Variants in TSNARE1 observed in about 807,000 individuals in gnomAD.
TSNARE1 encodes t-SNARE domain containing 1.
Under a neutral mutation model 62.0 loss-of-function variants are expected in TSNARE1, and 49 were observed. The observed-to-expected ratio is 0.79, with a 90% confidence interval of 0.63 to 1.00. The LOEUF is 1.00. TSNARE1 is among the 50% of genes least tolerant of loss of function. The pLI is 0.00. For missense variants in TSNARE1, 755 were observed against 700.1 expected (o/e 1.08, Z -0.88); for synonymous variants, 328 against 294.4 (o/e 1.11, Z -1.17).
At chr8:142,332,670 G>A (rs192916583) in intron 4 of TSNARE1, among the ~76,000 whole-genome samples, 97 of 152,236 alleles carry the variant, frequency 6.4e-4, no homozygotes, top group Non-Finnish European at 8.7e-4. Context: ...TAAACGGCAC[G>A]GCCACCATGG....
chr8:142,395,218 C>A (rs996458914), intron 1 of TSNARE1, among the ~76,000 whole-genome samples: 15 of 152,060 alleles, frequency 9.9e-5, no homozygotes, highest in African/African-American at 3.6e-4. Context: ...AGGTCCTGGC[C>A]CTGGAGGAGG....
chr8:142,291,936 C>T lies in TSNARE1; in HGVS notation c.1291-7451G>A, dbSNP rs7817679. Among the ~76,000 whole-genome samples, 36,247 of 151,750 alleles carry T rather than the reference C, an allele frequency of 0.24. 4,896 individuals carry two copies. Among genetic ancestry groups the T allele is most frequent in the African/African-American group, 0.36 (14,793 of 41,320 alleles). ...TGGGAGTACGGGGTCAGCTGCCTCT[C>T]CCGTGGACGGTCACAGCAACGCACG... On this transcript the variant is annotated intron_variant, in intron 10 of 13. Transcript: ENST00000524325. This position sits in a 1 kb window ranked among gnomAD's most constrained non-coding sequence, Gnocchi z 4.8.
At chr8:142,356,783 T>C (rs1398688982) in intron 1 of TSNARE1, among the ~76,000 whole-genome samples, 1 of 147,564 alleles carries the variant, frequency 6.8e-6, no homozygotes, top group Non-Finnish European at 1.5e-5. Context: ...CATGGAGAGG[T>C]GAGGTAACTT....
intron 9 of TSNARE1, among the ~76,000 whole-genome samples, chr8:142,308,571 CTGGTGTGTCCACGGCT>C (rs1389323996): frequency 1.3e-5 from 2 of 152,110 alleles, no homozygotes; most frequent in Admixed American, 6.5e-5. Flanking sequence ...TGTCCATAGG[CTGGTGTGTCCACGGCT>C]TGGTGTGTCC....
intron 13 of TSNARE1, 137 bp downstream of exon 13, chr8:142,229,336 G>T: frequency 1.4e-6 from 1 of 710,326 alleles, no homozygotes; most frequent in Non-Finnish European, 2.5e-6. Flanking sequence ...TGGACAGATG[G>T]ACGGTAGACA....
chr8:142,354,560 G>T, intron 2 of TSNARE1, 77 bp downstream of exon 2: 1 of 1,027,850 alleles, frequency 9.7e-7, no homozygotes, highest in Non-Finnish European at 1.5e-6. Flanking sequence ...CCAGCCATCA[G>T]CATGACACAG....
rs560356031 is a variant in TSNARE1, at chr8:142,295,208, C to T, written c.1290+5278G>A. Reference sequence around the variant, plus strand: ...CACATGTGACTGGCACAACCCCTCCCGCTACGACCCTCCTCTGGGAGATGG... The same window carrying T: ...CACATGTGACTGGCACAACCCCTCCTGCTACGACCCTCCTCTGGGAGATGG... On this transcript the variant is annotated intron_variant, in intron 10 of 13. Transcript: ENST00000524325. Among the ~76,000 whole-genome samples, 97 of 152,354 alleles carry T rather than the reference C, an allele frequency of 6.4e-4. 1 individual carries two copies. The highest frequency in any genetic ancestry group is 2.1e-3 in the African/African-American group (87 of 41,584).
chr8:142,332,594 C>T (rs13281023), intron 4 of TSNARE1, among the ~76,000 whole-genome samples: 26,260 of 152,132 alleles, frequency 0.17, 3,174 homozygotes, highest in African/African-American at 0.34. Flanking sequence ...CTACAGAACA[C>T]TATGAGGACA....
chr8:142,313,921 G>C (rs1828079106), intron 9 of TSNARE1, among the ~76,000 whole-genome samples: 1 of 152,192 alleles, frequency 6.6e-6, no homozygotes, highest in African/African-American at 2.4e-5. Flanking sequence ...TGGGATGACA[G>C]GTGCTCGCCA....
At chr8:142,222,040 C>T (rs1228855658) in intron 13 of TSNARE1, among the ~76,000 whole-genome samples, 1 of 149,926 alleles carries the variant, frequency 6.7e-6, no homozygotes, top group African/African-American at 2.5e-5. Flanking sequence ...CACTCATCCA[C>T]TCATCCACTC....
chr8:142,389,988 G>C (rs56182320), intron 1 of TSNARE1, among the ~76,000 whole-genome samples: 23,139 of 152,204 alleles, frequency 0.15, 2,476 homozygotes, highest in African/African-American at 0.3. Flanking sequence ...TATAAACCTG[G>C]ACAGCAGGCA....
At chr8:142,396,783 G>C (rs908026256) in intron 1 of TSNARE1, among the ~76,000 whole-genome samples, 1 of 152,222 alleles carries the variant, frequency 6.6e-6, no homozygotes, top group Non-Finnish European at 1.5e-5. Flanking sequence ...GAAGTTTCCT[G>C]ATCTGAGGAG....
intron 6 of TSNARE1, among the ~76,000 whole-genome samples, chr8:142,324,891 G>A (rs1053511210): frequency 6.6e-6 from 1 of 152,252 alleles, no homozygotes; most frequent in African/African-American, 2.4e-5. Context: ...CGACGCCCCT[G>A]CCGGTCCCTC....
In TSNARE1 at chr8:142,319,380, G is replaced by C. The variant is rs1201737827; in HGVS notation, c.894-746C>G. Among the ~76,000 whole-genome samples the C allele has an allele frequency of 2.0e-5, 3 of 152,176 alleles. No homozygotes were observed. In the East Asian group the frequency reaches 5.8e-4, roughly 30 times the overall value. On this transcript the variant is annotated intron_variant, in intron 6 of 13. Coordinates refer to ENST00000524325, the MANE Select transcript of TSNARE1 (RefSeq NM_145003.5). This position sits in a 1 kb window ranked among gnomAD's most constrained non-coding sequence, Gnocchi z 4.9. ...GAGACGGTTCTCACACCCAGACCCA[G>C]GGAGACACAAGGAGGCCAGGACAGT...
intron 11 of TSNARE1, among the ~76,000 whole-genome samples, chr8:142,282,725 GGA>G (rs1821809579): frequency 7.5e-6 from 1 of 132,768 alleles, no homozygotes; most frequent in Admixed American, 7.7e-5. Context: ...TGAGCGGAGG[GGA>G]GGCCACTGTC....
chr8:142,378,974 G>A (rs886636174), intron 1 of TSNARE1, among the ~76,000 whole-genome samples: 5 of 152,196 alleles, frequency 3.3e-5, no homozygotes, highest in Non-Finnish European at 7.3e-5. Context: ...CAGGCTCTGT[G>A]GTCGCCAAGC....
chr8:142,400,637 G>T (rs1838218647), intron 1 of TSNARE1, among the ~76,000 whole-genome samples: 1 of 152,210 alleles, frequency 6.6e-6, no homozygotes, highest in Non-Finnish European at 1.5e-5. Flanking sequence ...CTACTTGGGA[G>T]GCTGAGGCAG....
chr8:142,395,249 A>G (rs1473366827), intron 1 of TSNARE1, among the ~76,000 whole-genome samples: 7 of 152,086 alleles, frequency 4.6e-5, no homozygotes. Flanking sequence ...ACTGCAATGC[A>G]ACAAGGCCCA....
At chr8:142,271,696 C>A (rs1819575192) in intron 12 of TSNARE1, 3 of 1,363,882 alleles carry the variant, frequency 2.2e-6, no homozygotes. Flanking sequence ...CATCAGCTAA[C>A]AGAGGGAGAC....
Sources: gnomAD v4.1 joint callset for allele counts (sites outside exome capture counted in the v4.1 genomes callset) on GRCh38, gnomAD v4.1.1 for gene constraint, Gnocchi (gnomAD v3.1) non-coding constraint, MANE v1.5 for transcripts, NCBI Gene and HGNC (gene_info 2026-07-23, HGNC 2026-07-21) for gene names.